FGD5: variants seen among roughly 807,000 people sequenced by gnomAD.
The protein encoded by FGD5 is FYVE, RhoGEF and PH domain-containing protein 5.
A neutral mutation model predicts 133.4 loss-of-function variants in FGD5; 28 were observed. The observed-to-expected ratio is 0.21, with a 90% CI of 0.16 to 0.29. The LOEUF (loss-of-function observed/expected upper bound fraction) is 0.29, where lower values mean the gene tolerates loss of function less well. Among genes scored for constraint, FGD5 ranks in the 10% least tolerant of loss-of-function variants. The pLI is 1.00. For missense variants in FGD5, 1,858 were observed against 1,895.2 expected (o/e 0.98, Z 0.36); for synonymous variants, 810 against 776.5 (o/e 1.04, Z -0.72).
chr3:14,919,989 C>T (rs1465056074), intron 13 of FGD5, among the ~76,000 whole-genome samples: 3 of 152,092 alleles, frequency 2.0e-5, no homozygotes, highest in South Asian at 2.1e-4. Context: ...TGGGGCATGG[C>T]ATTTCTATCA....
chr3:14,932,187 A>T (rs1367209914), intron 18 of FGD5: 3 of 162,332 alleles, frequency 1.8e-5, no homozygotes, highest in African/African-American at 4.8e-5. Flanking sequence ...GGTTCAAGCC[A>T]TTCTTCTGCC....
rs551256043 is a variant in FGD5, at chr3:14,836,261, G to A, written c.2525+14665G>A. On this transcript the variant is annotated intron_variant, in intron 1 of 19. Transcript: ENST00000285046. ...GAGATTGTTCTGGGCCACGCTCCCC[G>A]CCCGGGAAGCTCCTTGTAGATGCTG... 5.3e-5 allele frequency among the ~76,000 whole-genome samples: 8 copies of A among 152,328 alleles called. No individual in the cohort carries two copies. The East Asian group carries it at 7.7e-4, about 15-fold the overall frequency.
Position 14,932,691 on chromosome 3 carries a change from T to C in FGD5, c.4312T>C (p.Phe1438Leu). 6.2e-7 allele frequency: 1 copy of C among 1,614,012 alleles called. No homozygotes were observed. Among genetic ancestry groups the C allele is most frequent in the South Asian group, 1.1e-5 (1 of 91,080 alleles). ...TCACCTTTACCACAAGAAAACCCTA[T>C]TTTATAGCTTCAAAGCAGAAGATAC... ...IFHLYHKKTL[F>L]YSFKAEDTNS... Residue 1438 changes from phenylalanine to leucine, a missense_variant, in exon 19 of 20, where the codon TTT (phenylalanine) becomes CTT (leucine). Coordinates refer to ENST00000285046, the MANE Select transcript of FGD5 (RefSeq NM_152536.4).
At position 14,897,516 on chromosome 3, in the gene FGD5, A is replaced by G. The variant is rs1300541613; in HGVS notation, c.2756A>G (p.His919Arg). 3 of 1,605,180 alleles carry G rather than the reference A, an allele frequency of 1.9e-6. No individual in the cohort carries two copies. The highest frequency in any genetic ancestry group is 1.3e-5 in the African/African-American group (1 of 74,956). The change falls in exon 5 of 20, where the codon CAT becomes CGT. Residue 919 changes from histidine (H) to arginine (R), a missense_variant. Around this residue, in one of 3 missense-constraint regions of FGD5, gnomAD observed 1,824 missense variants for 1,848.9 expected, o/e 0.99. Transcript: ENST00000285046. ...EMLQHLNLDF[H>R]GAVMRALDDM... ...GACCTTTTGGTGTTTCAGGATTTCC[A>G]TGGAGCTGTCATGAGGGCCTTGGAT...
intron 1 of FGD5, among the ~76,000 whole-genome samples, chr3:14,863,368 T>C (rs1301620636): frequency 6.6e-6 from 1 of 150,862 alleles, no homozygotes; most frequent in Admixed American, 6.6e-5. Flanking sequence ...GGATCACAGT[T>C]TGTGATTGTG....
chr3:14,872,300 C>T (rs955210792), intron 2 of FGD5, among the ~76,000 whole-genome samples: 2 of 152,096 alleles, frequency 1.3e-5, no homozygotes, highest in African/African-American at 4.8e-5. Context: ...AAAAAATAAA[C>T]CAAGGTTTCA....
chr3:14,854,890 T>G (rs1008877770), intron 1 of FGD5, among the ~76,000 whole-genome samples: 1 of 152,174 alleles, frequency 6.6e-6, no homozygotes, highest in Non-Finnish European at 1.5e-5. Context: ...TCCTAGCTAT[T>G]TGAAACTATA....
chr3:14,923,427 GAC>G, intron 16 of FGD5: 1 of 518,376 alleles, frequency 1.9e-6, no homozygotes, highest in Non-Finnish European at 3.4e-6. Context: ...TGTGTAAGGG[GAC>G]AGAGGCAGGG....
intron 4 of FGD5, among the ~76,000 whole-genome samples, chr3:14,883,451 C>G (rs116053320): frequency 0.015 from 2,310 of 152,298 alleles, 25 homozygotes; most frequent in Non-Finnish European, 0.023. Context: ...TCTGTCCTTT[C>G]ATCTATTCAT....
intron 1 of FGD5, among the ~76,000 whole-genome samples, chr3:14,860,778 A>G (rs2037382424): frequency 6.6e-6 from 1 of 151,748 alleles, no homozygotes; most frequent in Admixed American, 6.6e-5. Context: ...GTTAGAGTCC[A>G]GTGTGGCCAA....
chr3:14,884,544 C>T (rs376754111), intron 4 of FGD5, among the ~76,000 whole-genome samples: 16 of 152,226 alleles, frequency 1.1e-4, no homozygotes, highest in African/African-American at 3.6e-4. Flanking sequence ...TCTTCCCATT[C>T]AGGTCTCAGC....
rs2038720082 is a variant in FGD5 at position 14,923,098 on chromosome 3, A to G, written c.3860A>G (p.Asp1287Gly). ...RNKYPLKYLK[D>G]RMAKVCDGCF... The stretch of plus-strand genomic sequence containing the variant: ...AAGTACCCGCTGAAGTACCTGAAGG[A>G]CAGGATGGCCAAGGTCTGCGACGGC... The change falls in exon 16 of 20, where the codon GAC becomes GGC. Residue 1287 changes from aspartate to glycine, a missense_variant. Physicochemically the swap from Asp to Gly is moderately conservative, Grantham distance 94. Coordinates refer to ENST00000285046, the MANE Select transcript of FGD5 (RefSeq NM_152536.4). The G allele has an allele frequency of 1.2e-6, 2 of 1,613,778 alleles. No homozygotes were observed. The highest frequency in any genetic ancestry group is 1.7e-6 in the Non-Finnish European group (2 of 1,179,868).
intron 2 of FGD5, among the ~76,000 whole-genome samples, chr3:14,878,900 G>T (rs1052666243): frequency 6.6e-6 from 1 of 152,098 alleles, no homozygotes; most frequent in Admixed American, 6.6e-5. Flanking sequence ...GTAGAGACAG[G>T]GTTTCGCTGT....
chr3:14,836,067 A>G (rs1077534), intron 1 of FGD5, among the ~76,000 whole-genome samples: 19,029 of 152,196 alleles, frequency 0.13, 1,543 homozygotes, highest in East Asian at 0.41. Context: ...GCAGAGTCAG[A>G]CGTAGAACCC....
At chr3:14,879,429 T>TG (rs1327712508) in intron 2 of FGD5, among the ~76,000 whole-genome samples, 3 of 152,254 alleles carry the variant, frequency 2.0e-5, no homozygotes, top group Non-Finnish European at 4.4e-5. Context: ...CCCAGGCATC[T>TG]GTCTCAGCCC....
At chr3:14,814,955 T>C (rs1446488189), upstream of FGD5, among the ~76,000 whole-genome samples, 6 of 152,148 alleles carry the variant, frequency 3.9e-5, no homozygotes, top group Non-Finnish European at 7.3e-5. Context: ...TCCCTTCCTG[T>C]TGAGAATCTG....
chr3:14,816,921 G>A (rs1016808887), upstream of FGD5, among the ~76,000 whole-genome samples: 8 of 152,206 alleles, frequency 5.3e-5, no homozygotes, highest in African/African-American at 1.9e-4. Flanking sequence ...TACTGAAATT[G>A]AGGTGCCAGT....
chr3:14,847,516 C>G (rs1424155553), intron 1 of FGD5, among the ~76,000 whole-genome samples: 1 of 152,164 alleles, frequency 6.6e-6, no homozygotes, highest in Non-Finnish European at 1.5e-5. Flanking sequence ...TTGGAGCTTT[C>G]AGTAAACATT....
At chr3:14,871,645 T>A (rs993683466) in intron 2 of FGD5, among the ~76,000 whole-genome samples, 1 of 152,228 alleles carries the variant, frequency 6.6e-6, no homozygotes, top group East Asian at 1.9e-4. Context: ...GCTCCAAGGT[T>A]CTGGAGGGCG....
Sources: gnomAD v4.1 joint callset for allele counts (sites outside exome capture counted in the v4.1 genomes callset) on GRCh38, gnomAD v4.1.1 for gene constraint, gnomAD v4.1.1 regional missense constraint, MANE v1.5 for transcripts, NCBI Gene and HGNC (gene_info 2026-07-23, HGNC 2026-07-21) for gene names.